BAIAP2L1: variants seen among roughly 807,000 people sequenced by gnomAD.
BAIAP2L1 encodes the protein BAR/IMD domain-containing adapter protein 2-like 1.
A neutral mutation model predicts 66.3 loss-of-function variants in BAIAP2L1; 35 were observed. The ratio of observed to expected loss-of-function variants is 0.53; its 90% CI spans 0.40 to 0.70. The LOEUF (loss-of-function observed/expected upper bound fraction) is 0.70. Among genes scored for constraint, BAIAP2L1 ranks in the 30% least tolerant of loss-of-function variants. The pLI is 0.00. For synonymous variants in BAIAP2L1, 269 were observed against 248.7 expected, an observed-to-expected ratio of 1.08 and a Z score of -0.77; for missense variants, 622 against 656.9, an observed-to-expected ratio of 0.95 and a Z score of 0.58.
Position 98,312,144 on chromosome 7 carries a change from C to T in BAIAP2L1, c.760G>A (p.Val254Met), listed in dbSNP as rs543691854. The change falls in exon 8 of 14, where the codon GTG becomes ATG. Residue 254 changes from valine (V) to methionine (M), a missense_variant. Physicochemically the swap from Val to Met is conservative, Grantham distance 21. Transcript: ENST00000005260. ...GGTGAAGCCTGAGGAGTTCCAGACA[C>T]GGGGGTAGAGGCTGGGGTCTTTATT... Reference protein sequence around the residue: ...EEIKTPASTPVSGTPQASPMI... With the variant: ...EEIKTPASTPMSGTPQASPMI... The T allele has an allele frequency of 3.6e-5, 58 of 1,613,820 alleles. No individual in the cohort carries two copies. The highest frequency in any genetic ancestry group is 6.7e-5 in the East Asian group (3 of 44,846).
intron 6 of BAIAP2L1, among the ~76,000 whole-genome samples, chr7:98,316,045 G>GGGAC (rs907478662): frequency 6.6e-6 from 1 of 152,164 alleles, no homozygotes; most frequent in Non-Finnish European, 1.5e-5. Flanking sequence ...TGTTTGGGGA[G>GGGAC]GGACCTGGTG....
At chr7:98,395,678 A>G (rs1414985484) in intron 1 of BAIAP2L1, among the ~76,000 whole-genome samples, 3 of 152,300 alleles carry the variant, frequency 2.0e-5, no homozygotes, top group Middle Eastern at 3.4e-3. Context: ...TGCATGTGTC[A>G]GCAGATAAGT....
chr7:98,315,638 A>AATAATT, intron 6 of BAIAP2L1, 26 bp from the exon 7 acceptor site: 1 of 1,090,336 alleles, frequency 9.2e-7, no homozygotes, highest in East Asian at 3.3e-5. Context: ...TAATAATAAT[A>AATAATT]ATAATTATAT....
At chr7:98,301,749 C>T (rs947399582) in intron 12 of BAIAP2L1, among the ~76,000 whole-genome samples, 4 of 152,054 alleles carry the variant, frequency 2.6e-5, no homozygotes, top group Non-Finnish European at 4.4e-5. Context: ...TTGGCAGGTG[C>T]GGCCTGTGGA....
At chr7:98,312,403 G>T in intron 7 of BAIAP2L1, 139 bp from the exon 8 acceptor site, 1 of 851,572 alleles carries the variant, frequency 1.2e-6, no homozygotes, top group Non-Finnish European at 1.8e-6. Flanking sequence ...AACTCGGTGA[G>T]CACTTTAAGC....
chr7:98,306,292 A>T, intron 11 of BAIAP2L1, 147 bp downstream of exon 11: 1 of 956,816 alleles, frequency 1.0e-6, no homozygotes, highest in Non-Finnish European at 1.6e-6. Context: ...GGCAGACAGC[A>T]CTGTGAGCCG....
intron 5 of BAIAP2L1, among the ~76,000 whole-genome samples, 167 bp downstream of exon 5, chr7:98,319,891 G>T (rs541952711): frequency 6.6e-6 from 1 of 152,050 alleles, no homozygotes; most frequent in Non-Finnish European, 1.5e-5. Flanking sequence ...AGCGAAAACC[G>T]GCCCACACAG....
At chr7:98,349,118 T>G (rs1801942361) in intron 3 of BAIAP2L1, among the ~76,000 whole-genome samples, 1 of 152,170 alleles carries the variant, frequency 6.6e-6, no homozygotes, top group Non-Finnish European at 1.5e-5. Context: ...TGGGGACATG[T>G]GACCCAATGT....
At chr7:98,342,253 T>C (rs1345833435) in intron 3 of BAIAP2L1, among the ~76,000 whole-genome samples, 1 of 152,024 alleles carries the variant, frequency 6.6e-6, no homozygotes, top group African/African-American at 2.4e-5. Context: ...GGTTTTGCCA[T>C]GTTGGCCTAG....
chr7:98,310,504 T>C lies in BAIAP2L1; in HGVS notation c.896A>G (p.Asp299Gly). 16 of 1,607,336 alleles carry C rather than the reference T, an allele frequency of 1.0e-5. No homozygotes were observed. The highest frequency in any genetic ancestry group is 1.3e-5 in the Non-Finnish European group (15 of 1,178,200). The change falls in exon 9 of 14, where the codon GAT becomes GGT. Residue 299 changes from aspartate (D) to glycine (G), a missense_variant. Coordinates refer to ENST00000005260, the MANE Select transcript of BAIAP2L1 (RefSeq NM_018842.5). ...SGRAYTSPLI[D>G]MFNNPATAAP... ...AGCCGTGGCTGGGTTATTAAACATA[T>C]CGATCAAGGGACTGGTATATGCTCT... is the stretch of plus-strand genomic sequence containing the variant.
chr7:98,387,063 G>A (rs1042581730), intron 1 of BAIAP2L1, among the ~76,000 whole-genome samples: 5 of 152,040 alleles, frequency 3.3e-5, no homozygotes, highest in Non-Finnish European at 7.4e-5. Flanking sequence ...ACCTACACGC[G>A]TATTAAGCTT....
chr7:98,373,498 G>A (rs1802557413), intron 1 of BAIAP2L1, among the ~76,000 whole-genome samples: 1 of 152,144 alleles, frequency 6.6e-6, no homozygotes, highest in African/African-American at 2.4e-5. Flanking sequence ...AAGGTGTGGG[G>A]AACTTGGCAG....
At chr7:98,339,413 C>T (rs1212438017) in intron 3 of BAIAP2L1, among the ~76,000 whole-genome samples, 2 of 152,192 alleles carry the variant, frequency 1.3e-5, no homozygotes, top group East Asian at 1.9e-4. Context: ...TTACTTTTAA[C>T]AGTTTTGTTA....
intron 3 of BAIAP2L1, among the ~76,000 whole-genome samples, chr7:98,325,137 C>T (rs1801348587): frequency 6.6e-6 from 1 of 152,294 alleles, no homozygotes; most frequent in South Asian, 2.1e-4. Context: ...GTAATCCTAG[C>T]ACTTTGGGAG....
intron 3 of BAIAP2L1, among the ~76,000 whole-genome samples, chr7:98,350,076 A>G (rs1408307969): frequency 3.3e-5 from 5 of 152,082 alleles, no homozygotes; most frequent in Admixed American, 3.3e-4. Context: ...ATGATGGCAC[A>G]GCCCGGGTTT....
chr7:98,400,540 A>C (rs929522332), intron 1 of BAIAP2L1, among the ~76,000 whole-genome samples: 218 of 114,074 alleles, frequency 1.9e-3, no homozygotes, highest in Middle Eastern at 4.9e-3. Flanking sequence ...AGAGACAGGG[A>C]AGAAGCACAG....
chr7:98,371,496 C>T (rs1468702734), intron 1 of BAIAP2L1, among the ~76,000 whole-genome samples: 1 of 152,206 alleles, frequency 6.6e-6, no homozygotes, highest in Non-Finnish European at 1.5e-5. Flanking sequence ...AACCAGCACA[C>T]ACTATTCACC....
At chr7:98,317,148 C>T (rs1008354080) in intron 6 of BAIAP2L1, 71 bp downstream of exon 6, 66 of 1,599,546 alleles carry the variant, frequency 4.1e-5, no homozygotes, top group African/African-American at 2.1e-4. Context: ...CCACCGCACC[C>T]GGCTAACCTC....
At chr7:98,397,163 T>G (rs763942538) in intron 1 of BAIAP2L1, among the ~76,000 whole-genome samples, 15 of 152,066 alleles carry the variant, frequency 9.9e-5, no homozygotes, top group Non-Finnish European at 1.8e-4. Flanking sequence ...GGGAGATGGA[T>G]GGAGGCGTCT....
Sources: allele counts gnomAD v4.1 joint callset (sites outside exome capture counted in the v4.1 genomes callset), GRCh38; gene constraint gnomAD v4.1.1; transcripts MANE v1.5; gene names NCBI Gene and HGNC (gene_info 2026-07-23, HGNC 2026-07-21).